Variants in MAF observed in about 807,000 individuals in gnomAD.
MAF encodes transcription factor Maf.
In MAF, 10 loss-of-function variants were observed where a neutral mutation model predicts 22.0. The observed-to-expected ratio is 0.45, with a 90% CI of 0.28 to 0.77. The LOEUF (loss-of-function observed/expected upper bound fraction) is 0.77, where lower values mean the gene tolerates loss of function less well. Ranked by LOEUF, MAF falls within the 30% of genes least tolerant of loss-of-function variation. The pLI, the probability that MAF is intolerant of heterozygous loss-of-function variation, is 0.12. For missense variants in MAF, 544 were observed against 548.4 expected (o/e 0.99, Z 0.08); for synonymous variants, 337 against 255.8 (o/e 1.32, Z -3.03).
At chr16:79,495,535 C>T in the MAF span, among the ~76,000 whole-genome samples, 4 of 152,136 alleles carry the variant, frequency 2.6e-5, no homozygotes, top group African/African-American at 9.7e-5. Context: ...ATGCCAGAAA[C>T]CAGGGTCAGA....
At chr16:79,245,749 C>T in the MAF span, among the ~76,000 whole-genome samples, 1 of 152,038 alleles carries the variant, frequency 6.6e-6, no homozygotes, top group African/African-American at 2.4e-5. Flanking sequence ...TATAAAGACA[C>T]ATGCACACAT....
At chr16:79,510,713 A>T in the MAF span, among the ~76,000 whole-genome samples, 1 of 152,198 alleles carries the variant, frequency 6.6e-6, no homozygotes, top group African/African-American at 2.4e-5. Context: ...ATACACATCG[A>T]ATGCTCTGCT....
chr16:79,245,788 C>G, the MAF span, among the ~76,000 whole-genome samples: 1 of 152,024 alleles, frequency 6.6e-6, no homozygotes, highest in Non-Finnish European at 1.5e-5. Context: ...TTCACAATAG[C>G]AAAGACTTGG....
the MAF span, among the ~76,000 whole-genome samples, chr16:79,220,159 G>A: frequency 6.6e-6 from 1 of 150,924 alleles, no homozygotes; most frequent in Non-Finnish European, 1.5e-5. Context: ...GGGAGGCTGA[G>A]GCAGGAGAAT....
the MAF span, among the ~76,000 whole-genome samples, chr16:79,281,245 G>C: frequency 6.7e-6 from 1 of 150,120 alleles, no homozygotes; most frequent in Non-Finnish European, 1.5e-5. Flanking sequence ...AAAGGACATG[G>C]AGGGTAATGA....
the MAF span, among the ~76,000 whole-genome samples, chr16:79,355,063 G>T: frequency 1.1e-4 from 16 of 152,100 alleles, no homozygotes; most frequent in Admixed American, 2.0e-4. Context: ...CTTCTTCCTT[G>T]ATAAGATTAG....
chr16:79,409,879 A>C, the MAF span, among the ~76,000 whole-genome samples: 1 of 152,234 alleles, frequency 6.6e-6, no homozygotes, highest in Non-Finnish European at 1.5e-5. Context: ...TGAAGCCTTG[A>C]AGTTTGGCTA....
At chr16:79,218,380 C>G in the MAF span, among the ~76,000 whole-genome samples, 1 of 152,310 alleles carries the variant, frequency 6.6e-6, no homozygotes, top group East Asian at 1.9e-4. Context: ...TCTGTTAGAA[C>G]TAATGGTTCA....
At chr16:79,317,889 G>A in the MAF span, among the ~76,000 whole-genome samples, 2 of 150,222 alleles carry the variant, frequency 1.3e-5, no homozygotes, top group African/African-American at 4.9e-5. Flanking sequence ...ACTATCTGTG[G>A]GGTAGCTTGT....
chr16:79,428,333 G>A, the MAF span, among the ~76,000 whole-genome samples: 39 of 152,222 alleles, frequency 2.6e-4, no homozygotes, highest in African/African-American at 9.4e-4. Flanking sequence ...GGGGTGGCAA[G>A]CACACACTGA....
At chr16:79,360,160 G>A in the MAF span, among the ~76,000 whole-genome samples, 2 of 152,190 alleles carry the variant, frequency 1.3e-5, no homozygotes, top group African/African-American at 4.8e-5. Context: ...TAGCCACCCT[G>A]TTTCCAAGCT....
At chr16:79,306,694 T>TTCA in the MAF span, among the ~76,000 whole-genome samples, 134 of 152,064 alleles carry the variant, frequency 8.8e-4, 1 homozygote, top group South Asian at 0.01. Context: ...TGCCAGCAGG[T>TTCA]TCATCATCAT....
the MAF span, among the ~76,000 whole-genome samples, chr16:79,228,641 T>C: frequency 9.9e-5 from 15 of 152,010 alleles, no homozygotes; most frequent in African/African-American, 2.2e-4. Context: ...TTTCCACAGG[T>C]ACACAAAGAC....
At chr16:79,239,293 T>C in the MAF span, among the ~76,000 whole-genome samples, 12 of 152,068 alleles carry the variant, frequency 7.9e-5, no homozygotes, top group Non-Finnish European at 1.3e-4. Context: ...CACTCTTAAG[T>C]AGTGTCACTG....
chr16:79,530,361 A>G, the MAF span, among the ~76,000 whole-genome samples: 3 of 152,180 alleles, frequency 2.0e-5, no homozygotes, highest in South Asian at 6.2e-4. Context: ...TCAGGGTCCC[A>G]AAGTGCCTAC....
At chr16:79,372,750 G>T in the MAF span, among the ~76,000 whole-genome samples, 41 of 152,228 alleles carry the variant, frequency 2.7e-4, no homozygotes, top group South Asian at 3.9e-3. Context: ...ACTTTACATG[G>T]CCTACAAAAG....
At chr16:79,496,488 G>A in the MAF span, among the ~76,000 whole-genome samples, 11 of 152,202 alleles carry the variant, frequency 7.2e-5, no homozygotes, top group Non-Finnish European at 1.3e-4. Flanking sequence ...CTCCCTGCAT[G>A]ACACTCCTCA....
At chr16:79,563,775 G>A in the MAF span, among the ~76,000 whole-genome samples, 21 of 149,500 alleles carry the variant, frequency 1.4e-4, no homozygotes, top group African/African-American at 4.3e-4. Context: ...ACACACACAC[G>A]TGTGACCACT....
At chr16:79,241,812 A>T in the MAF span, among the ~76,000 whole-genome samples, 1 of 152,134 alleles carries the variant, frequency 6.6e-6, no homozygotes, top group Non-Finnish European at 1.5e-5. Context: ...GGTTACCCAC[A>T]AAGGGAAGCC....
Sources: gnomAD v4.1 joint callset for allele counts (sites outside exome capture counted in the v4.1 genomes callset) on GRCh38, gnomAD v4.1.1 for gene constraint, MANE v1.5 for transcripts, NCBI Gene and HGNC (gene_info 2026-07-23, HGNC 2026-07-21) for gene names.